Variants in SPTSSB observed in about 807,000 individuals in gnomAD.
SPTSSB encodes the protein androgen down regulated in mouse prostate.
Under a neutral mutation model 7.7 loss-of-function variants are expected in SPTSSB, and 6 were observed. The ratio of observed to expected loss-of-function variants is 0.78; its 90% CI spans 0.43 to 1.54. The LOEUF (loss-of-function observed/expected upper bound fraction) is 1.54, where lower values mean the gene tolerates loss of function less well. Among genes scored for constraint, SPTSSB ranks in the 40% most tolerant of loss-of-function variants. The pLI, the probability that SPTSSB is intolerant of heterozygous loss-of-function variation, is 0.01. For synonymous variants in SPTSSB, 28 were observed against 29.7 expected, an observed-to-expected ratio of 0.94 and a Z score of 0.19; for missense variants, 91 against 93.0, an observed-to-expected ratio of 0.98 and a Z score of 0.09.
chr3:161,363,505 T>C (rs1239651652), intron 1 of SPTSSB, among the ~76,000 whole-genome samples: 1 of 152,008 alleles, frequency 6.6e-6, no homozygotes, highest in East Asian at 1.9e-4. Flanking sequence ...TTATTAATAG[T>C]TTTAACTACT....
intron 1 of SPTSSB, among the ~76,000 whole-genome samples, chr3:161,361,470 T>C (rs1715013658): frequency 6.6e-6 from 1 of 152,192 alleles, no homozygotes; most frequent in Admixed American, 6.5e-5. Flanking sequence ...GTTAAAATGT[T>C]TTTGTCATAT....
At chr3:161,352,142 C>T (rs73017402) in intron 2 of SPTSSB, among the ~76,000 whole-genome samples, 2,465 of 152,288 alleles carry the variant, frequency 0.016, 71 homozygotes, top group African/African-American at 0.056. Flanking sequence ...ATTCATTTCT[C>T]TTCTTGAAAG....
chr3:161,369,364 C>CTT (rs1715400545), intron 1 of SPTSSB, among the ~76,000 whole-genome samples: 1 of 64,472 alleles, frequency 1.6e-5, no homozygotes, highest in African/African-American at 7.2e-5. Flanking sequence ...CTTTCTTTCT[C>CTT]TCTCTGTCTC....
chr3:161,355,033 A>G (rs1418842169), intron 2 of SPTSSB, among the ~76,000 whole-genome samples: 4 of 152,224 alleles, frequency 2.6e-5, no homozygotes, highest in East Asian at 1.9e-4. Flanking sequence ...AATTTGTAAC[A>G]AGGGAATGGT....
At chr3:161,366,018 T>A (rs557524493) in intron 1 of SPTSSB, among the ~76,000 whole-genome samples, 2 of 152,320 alleles carry the variant, frequency 1.3e-5, no homozygotes, top group African/African-American at 4.8e-5. Context: ...TGTTCTCTCT[T>A]TACCTGGGCA....
In SPTSSB at chr3:161,345,858, T is replaced by C; in HGVS notation, c.*235A>G. On this transcript the variant is annotated 3_prime_UTR_variant, in exon 3 of 3. Coordinates refer to ENST00000620149, the MANE Select transcript of SPTSSB (RefSeq NM_001040100.2). ...ATAGATTTGTGTTGACAGAATATGA[T>C]TTGTGAGGTAAAGTCACTGTATTAT... 2.7e-6 allele frequency: 1 copy of C among 376,816 alleles called. No individual in the cohort carries two copies. The highest frequency in any genetic ancestry group is 4.9e-6 in the Non-Finnish European group (1 of 204,616). The allele number at this position is 376,816 out of a possible 1,614,324, so 23.3% of individuals were successfully genotyped here. A position where few individuals can be genotyped will look rare whatever the true frequency, so the allele number is the denominator to read the frequency against.
At chr3:161,350,820 G>T (rs144777147) in intron 2 of SPTSSB, among the ~76,000 whole-genome samples, 1 of 152,264 alleles carries the variant, frequency 6.6e-6, no homozygotes, top group African/African-American at 2.4e-5. Flanking sequence ...GCTTCAGCCA[G>T]GTGGTCAAGG....
intron 1 of SPTSSB, among the ~76,000 whole-genome samples, chr3:161,366,539 G>A (rs1715226646): frequency 6.6e-6 from 1 of 152,014 alleles, no homozygotes; most frequent in Non-Finnish European, 1.5e-5. Context: ...GGCCAGGTTT[G>A]TATGTGATTT....
chr3:161,355,896 G>A (rs908037585), intron 2 of SPTSSB, among the ~76,000 whole-genome samples: 2 of 152,060 alleles, frequency 1.3e-5, no homozygotes, highest in African/African-American at 4.8e-5. Context: ...ATGAAGGACT[G>A]AAATTTTAAA....
chr3:161,349,961 GAGA>G (rs1232775359), intron 2 of SPTSSB, among the ~76,000 whole-genome samples: 2 of 152,162 alleles, frequency 1.3e-5, no homozygotes, highest in Non-Finnish European at 2.9e-5. Flanking sequence ...GATAGAGAGG[GAGA>G]AGATTTGAGA....
chr3:161,348,366 A>T (rs1417720124), intron 2 of SPTSSB, among the ~76,000 whole-genome samples: 3 of 152,212 alleles, frequency 2.0e-5, no homozygotes, highest in South Asian at 2.1e-4. Flanking sequence ...TTAAAATTAG[A>T]ATTCCTTGCT....
chr3:161,358,277 G>T (rs1714866189), intron 2 of SPTSSB, among the ~76,000 whole-genome samples: 1 of 152,090 alleles, frequency 6.6e-6, no homozygotes. Flanking sequence ...GGCTCAATGT[G>T]TCATGAGGGC....
chr3:161,346,447 G>A, intron 2 of SPTSSB, 92 bp from the exon 3 acceptor site: 2 of 619,824 alleles, frequency 3.2e-6, no homozygotes, highest in Non-Finnish European at 5.7e-6. Flanking sequence ...ATCTTTCAAA[G>A]ATTTGTTAAA....
At chr3:161,357,891 C>T (rs139249311) in intron 2 of SPTSSB, among the ~76,000 whole-genome samples, 1 of 152,166 alleles carries the variant, frequency 6.6e-6, no homozygotes. Context: ...AGACTTCTAG[C>T]CTTTGGGAGT....
chr3:161,351,248 A>C (rs1714523324), intron 2 of SPTSSB, among the ~76,000 whole-genome samples: 1 of 152,172 alleles, frequency 6.6e-6, no homozygotes, highest in Admixed American at 6.5e-5. Flanking sequence ...ATGTTATACT[A>C]ATGTAAGATT....
rs1433301783 is a variant in SPTSSB, at chr3:161,344,872, G to A, written c.*1221C>T. 1 of 152,568 alleles carries A rather than the reference G, an allele frequency of 6.6e-6. No homozygotes were observed. The highest frequency in any genetic ancestry group is 1.5e-5 in the Non-Finnish European group (1 of 67,994). 9.5% of individuals were successfully genotyped at this position (152,568 alleles called of 1,614,324 possible). A position where few individuals can be genotyped will look rare whatever the true frequency, so the allele number is the denominator to read the frequency against. On this transcript the variant is annotated 3_prime_UTR_variant, in exon 3 of 3. Transcript: ENST00000620149. Reference sequence around the variant, plus strand: ...CAGATCTGGTTTCTCTTCAAAACATGTGTTTGTTTTTTTAACAAACATGCA... The same window carrying A: ...CAGATCTGGTTTCTCTTCAAAACATATGTTTGTTTTTTTAACAAACATGCA...
chr3:161,356,415 A>G (rs1714771776), intron 2 of SPTSSB, among the ~76,000 whole-genome samples: 1 of 152,156 alleles, frequency 6.6e-6, no homozygotes, highest in African/African-American at 2.4e-5. Flanking sequence ...CCAGTGAATA[A>G]TTTGAGGGTG....
chr3:161,356,856 G>A (rs1460591228), intron 2 of SPTSSB, among the ~76,000 whole-genome samples: 6 of 152,166 alleles, frequency 3.9e-5, no homozygotes, highest in African/African-American at 9.6e-5. Context: ...GAGGCTGGGC[G>A]TGGTAATCCT....
intron 1 of SPTSSB, among the ~76,000 whole-genome samples, chr3:161,361,908 C>T (rs1195267835): frequency 6.6e-6 from 1 of 152,058 alleles, no homozygotes; most frequent in Non-Finnish European, 1.5e-5. Context: ...ATGCTTGTTT[C>T]CTCCTAAATA....
Sources: allele counts gnomAD v4.1 joint callset (sites outside exome capture counted in the v4.1 genomes callset), GRCh38; gene constraint gnomAD v4.1.1; transcripts MANE v1.5; gene names NCBI Gene and HGNC (gene_info 2026-07-23, HGNC 2026-07-21).